Variants in PIK3CB observed in about 807,000 individuals in gnomAD.
PIK3CB encodes phosphatidylinositol-4,5-bisphosphate 3-kinase catalytic subunit beta, also known as phosphatidylinositol 4,5-bisphosphate 3-kinase catalytic subunit beta isoform.
A neutral mutation model predicts 136.8 loss-of-function variants in PIK3CB; 39 were observed. The ratio of observed to expected loss-of-function variants is 0.29; its 90% CI spans 0.22 to 0.37. The LOEUF (loss-of-function observed/expected upper bound fraction) is 0.37, where lower values mean the gene tolerates loss of function less well. Among genes scored for constraint, PIK3CB ranks in the 10% least tolerant of loss-of-function variants. The probability of loss-of-function intolerance (pLI) is 1.00; values close to 1 mark genes in which losing one functional copy is unlikely to be tolerated. For synonymous variants in PIK3CB, 428 were observed against 436.6 expected, an observed-to-expected ratio of 0.98 and a Z score of 0.25; for missense variants, 868 against 1,275.4, an observed-to-expected ratio of 0.68 and a Z score of 4.87.
chr3:138,783,116 T>C (rs2045939275), intron 2 of PIK3CB, among the ~76,000 whole-genome samples: 1 of 152,206 alleles, frequency 6.6e-6, no homozygotes, highest in Non-Finnish European at 1.5e-5. Context: ...ACTTTTATCC[T>C]TGTTCATTAC....
At chr3:138,665,776 C>T (rs569844292) in intron 19 of PIK3CB, among the ~76,000 whole-genome samples, 15 of 152,202 alleles carry the variant, frequency 9.9e-5, no homozygotes, top group Non-Finnish European at 1.8e-4. Context: ...GGCCATGTTA[C>T]CCAGGCTGCT....
chr3:138,834,517 C>T (rs1000321083), intron 1 of PIK3CB, among the ~76,000 whole-genome samples, 178 bp downstream of exon 1: 1 of 152,300 alleles, frequency 6.6e-6, no homozygotes, highest in African/African-American at 2.4e-5. Context: ...CCCCACCGGC[C>T]GGTAGGCGGT....
Position 138,746,618 on chromosome 3 carries a change from G to A in PIK3CB, c.398-3837C>T, listed in dbSNP as rs57823951. ...GGAGCTTGCAGTGAGCCGAGATCACGCCACTGCACTCCAGCCTGGGTGACA... is the reference window on the plus strand; with the variant it reads ...GGAGCTTGCAGTGAGCCGAGATCACACCACTGCACTCCAGCCTGGGTGACA... On this transcript the variant is annotated intron_variant, in intron 4 of 23. Coordinates refer to ENST00000674063, the MANE Select transcript of PIK3CB (RefSeq NM_006219.3). Among the ~76,000 whole-genome samples, 6 of 151,950 alleles carry A rather than the reference G, an allele frequency of 3.9e-5. No homozygotes were observed. In the South Asian group the frequency reaches 1.0e-3, roughly 26 times the overall value.
At chr3:138,729,203 C>T (rs1265142747) in intron 8 of PIK3CB, among the ~76,000 whole-genome samples, 1 of 151,786 alleles carries the variant, frequency 6.6e-6, no homozygotes, top group East Asian at 1.9e-4. Context: ...ATCACTTGAA[C>T]CCGGGAGGCG....
At chr3:138,743,504 A>G (rs2045285490) in intron 4 of PIK3CB, among the ~76,000 whole-genome samples, 2 of 152,234 alleles carry the variant, frequency 1.3e-5, no homozygotes, top group South Asian at 2.1e-4. Context: ...CTCAAACAAC[A>G]TGGTGGATGG....
chr3:138,671,944 G>A (rs1559803492), intron 19 of PIK3CB, among the ~76,000 whole-genome samples: 1 of 152,140 alleles, frequency 6.6e-6, no homozygotes, highest in Non-Finnish European at 1.5e-5. Context: ...AAGGGGAAGG[G>A]GTGTCTGTAA....
At chr3:138,722,708 C>T (rs182022682) in intron 8 of PIK3CB, among the ~76,000 whole-genome samples, 4 of 149,162 alleles carry the variant, frequency 2.7e-5, no homozygotes, top group Admixed American at 2.0e-4. Flanking sequence ...AAAAAAAACC[C>T]AAAAAACCCT....
rs1248024918 is a variant in PIK3CB at position 138,655,016 on chromosome 3, T to G, written c.*373A>C. 4.2e-6 allele frequency: 1 copy of G among 236,090 alleles called. No individual in the cohort carries two copies. Among genetic ancestry groups the G allele is most frequent in the African/African-American group, 2.2e-5 (1 of 45,272 alleles). The allele number at this position is 236,090 out of a possible 1,614,324, so 14.6% of individuals were successfully genotyped here. On this transcript the variant is annotated 3_prime_UTR_variant, in exon 24 of 24. Coordinates refer to ENST00000674063, the MANE Select transcript of PIK3CB (RefSeq NM_006219.3). ...CAACCCCCAGGTGTGGAAAAGTTGT[T>G]GGCTGAGTGACAATACTTGGTCACA...
At chr3:138,826,501 T>G (rs1326702550) in intron 1 of PIK3CB, among the ~76,000 whole-genome samples, 4 of 32,548 alleles carry the variant, frequency 1.2e-4, no homozygotes, top group South Asian at 9.1e-4. Flanking sequence ...CCATTTGGGT[T>G]TTTTTTTTTT....
chr3:138,730,967 C>T (rs1050226478), intron 8 of PIK3CB, among the ~76,000 whole-genome samples: 28 of 152,004 alleles, frequency 1.8e-4, no homozygotes, highest in African/African-American at 6.8e-4. Context: ...ATAAAATCCT[C>T]AAGGAAGTCT....
At chr3:138,793,308 A>T (rs2046073602) in intron 2 of PIK3CB, among the ~76,000 whole-genome samples, 1 of 152,228 alleles carries the variant, frequency 6.6e-6, no homozygotes, top group African/African-American at 2.4e-5. Flanking sequence ...AAATCAAGCT[A>T]TGTAAGTTTA....
chr3:138,724,054 A>G (rs1308698468), intron 8 of PIK3CB, among the ~76,000 whole-genome samples: 1 of 152,138 alleles, frequency 6.6e-6, no homozygotes, highest in East Asian at 1.9e-4. Flanking sequence ...GTATCCTACA[A>G]TTCAATTTTG....
intron 8 of PIK3CB, among the ~76,000 whole-genome samples, chr3:138,720,216 T>G (rs1451499272): frequency 6.6e-6 from 1 of 152,152 alleles, no homozygotes; most frequent in East Asian, 1.9e-4. Flanking sequence ...CCACACAATC[T>G]CACGATGCCA....
chr3:138,749,711 C>T (rs145155767), intron 4 of PIK3CB, among the ~76,000 whole-genome samples: 1 of 152,282 alleles, frequency 6.6e-6, no homozygotes, highest in Non-Finnish European at 1.5e-5. Context: ...TCTTTACCTG[C>T]CAAATTCCTA....
chr3:138,771,921 C>CAA (rs60381827), intron 2 of PIK3CB, among the ~76,000 whole-genome samples: 2,123 of 114,294 alleles, frequency 0.019, 56 homozygotes, highest in African/African-American at 0.055. Flanking sequence ...GACTCAGTCT[C>CAA]AAAAAAAAAA....
intron 8 of PIK3CB, among the ~76,000 whole-genome samples, chr3:138,729,612 C>CT (rs1361449948): frequency 6.6e-6 from 1 of 152,014 alleles, no homozygotes; most frequent in African/African-American, 2.4e-5. Context: ...CCTTGGGACT[C>CT]TAACTGAAAC....
At position 138,806,104 on chromosome 3, in the gene PIK3CB, A is replaced by G. The variant is rs769610198; in HGVS notation, c.-121-9537T>C. On this transcript the variant is annotated intron_variant, in intron 1 of 23. Transcript: ENST00000674063. Reference sequence around the variant, plus strand: ...TCCTTAATTAGATCAGCAGAGCAATAGTTTCTACAAGATTGAGAAAGCTGT... The same window carrying G: ...TCCTTAATTAGATCAGCAGAGCAATGGTTTCTACAAGATTGAGAAAGCTGT... 5.3e-5 allele frequency among the ~76,000 whole-genome samples: 8 copies of G among 152,176 alleles called. 1 individual carries two copies.
chr3:138,707,402 G>T (rs2044402077), intron 10 of PIK3CB, 113 bp from the exon 11 acceptor site: 1 of 1,406,406 alleles, frequency 7.1e-7, no homozygotes, highest in African/African-American at 1.5e-5. Flanking sequence ...GTCAACTACA[G>T]AAGTGTGACA....
chr3:138,718,253 T>A (rs2108595423), intron 8 of PIK3CB, among the ~76,000 whole-genome samples: 1 of 152,354 alleles, frequency 6.6e-6, no homozygotes, highest in East Asian at 1.9e-4. Context: ...TCATTGTGGT[T>A]TTGATTTGCA....
Sources: gnomAD v4.1 joint callset for allele counts (sites outside exome capture counted in the v4.1 genomes callset) on GRCh38, gnomAD v4.1.1 for gene constraint, MANE v1.5 for transcripts, NCBI Gene and HGNC (gene_info 2026-07-23, HGNC 2026-07-21) for gene names.